The following UBE2Z variants were observed in gnomAD, a reference collection of about 807,000 sequenced individuals.
UBE2Z encodes ubiquitin-conjugating enzyme E2 Z.
A neutral mutation model predicts 32.6 loss-of-function variants in UBE2Z; 10 were observed. That is an observed-to-expected ratio of 0.31 (90% CI 0.19 to 0.52). UBE2Z has a LOEUF of 0.52. Among genes scored for constraint, UBE2Z ranks in the 20% least tolerant of loss-of-function variants. UBE2Z has a pLI of 0.97. For missense variants in UBE2Z, 343 were observed against 480.9 expected (o/e 0.71, Z 2.68); for synonymous variants, 183 against 190.8 (o/e 0.96, Z 0.34).
intron 4 of UBE2Z, among the ~76,000 whole-genome samples, chr17:48,918,119 G>A (rs1598074460): frequency 6.6e-6 from 1 of 151,562 alleles, no homozygotes; most frequent in Non-Finnish European, 1.5e-5. Context: ...TGTATTTTTA[G>A]TAGAGAAGGG....
chr17:48,926,629 G>A (rs1486563653), intron 6 of UBE2Z, among the ~76,000 whole-genome samples: 3 of 152,008 alleles, frequency 2.0e-5, no homozygotes, highest in Admixed American at 2.0e-4. Flanking sequence ...TTACAGGCAT[G>A]CGCCACGACA....
chr17:48,927,405 G>A lies in UBE2Z; in HGVS notation c.*271G>A. The A allele has an allele frequency of 2.6e-6, 1 of 384,010 alleles. No individual in the cohort carries two copies. Among genetic ancestry groups the A allele is most frequent in the Non-Finnish European group, 4.9e-6 (1 of 205,824 alleles). The allele number at this position is 384,010 out of a possible 1,614,324, so 23.8% of individuals were successfully genotyped here. ...CTTTACAGGAGCACCTAGAGCGAGGGCCTTTGGCAAAAACAAAACAACCAA... is the reference window on the plus strand; with the variant it reads ...CTTTACAGGAGCACCTAGAGCGAGGACCTTTGGCAAAAACAAAACAACCAA... On this transcript the variant is annotated 3_prime_UTR_variant, in exon 7 of 7. Coordinates refer to ENST00000360943, the MANE Select transcript of UBE2Z (RefSeq NM_023079.5).
intron 6 of UBE2Z, among the ~76,000 whole-genome samples, chr17:48,925,106 A>G (rs2040788840): frequency 6.6e-6 from 1 of 151,952 alleles, no homozygotes; most frequent in Non-Finnish European, 1.5e-5. Flanking sequence ...AACACAGTGA[A>G]ATCCTGCCTC....
chr17:48,924,046 G>A (rs575423174), intron 6 of UBE2Z, among the ~76,000 whole-genome samples: 11 of 152,134 alleles, frequency 7.2e-5, no homozygotes, highest in Non-Finnish European at 1.5e-4. Flanking sequence ...TAGTAGAGAC[G>A]GGGTTTCACC....
chr17:48,919,668 G>A (rs2040745504), intron 4 of UBE2Z, among the ~76,000 whole-genome samples: 1 of 152,102 alleles, frequency 6.6e-6, no homozygotes, highest in African/African-American at 2.4e-5. Context: ...TATAGAGACG[G>A]GATCTCACCA....
chr17:48,923,551 G>A (rs943591718), intron 6 of UBE2Z, among the ~76,000 whole-genome samples: 7 of 151,908 alleles, frequency 4.6e-5, no homozygotes, highest in African/African-American at 1.5e-4. Context: ...AGAATCGCTT[G>A]AACCTGGGAG....
At chr17:48,916,554 A>G (rs1394837422) in intron 4 of UBE2Z, among the ~76,000 whole-genome samples, 3 of 150,118 alleles carry the variant, frequency 2.0e-5, no homozygotes, top group African/African-American at 7.3e-5. Context: ...CCCAGCCAGA[A>G]TAGTGTTTTA....
Position 48,929,010 on chromosome 17 carries a change from T to G in UBE2Z, c.*1876T>G, listed in dbSNP as rs952439833. ...ACTGTATATAAATGAAGTTTTTTTG[T>G]TTTTTTTGTTTTCCTTTTTGGTGCA... On this transcript the variant is annotated 3_prime_UTR_variant, in exon 7 of 7. Transcript: ENST00000360943. 3 of 114,774 alleles carry G rather than the reference T, an allele frequency of 2.6e-5. No homozygotes were observed. The highest frequency in any genetic ancestry group is 9.9e-5 in the African/African-American group (3 of 30,236). 7.1% of individuals were successfully genotyped at this position (114,774 alleles called of 1,614,324 possible).
At chr17:48,913,866 G>A (rs1346909229) in intron 3 of UBE2Z, among the ~76,000 whole-genome samples, 1 of 151,950 alleles carries the variant, frequency 6.6e-6, no homozygotes, top group Admixed American at 6.6e-5. Flanking sequence ...TGATCATTAT[G>A]GTTTCATTTT....
In UBE2Z at chr17:48,910,743, TC is replaced by T; in HGVS notation, c.318-64del. 5.6e-6 allele frequency: 7 copies of T among 1,258,724 alleles called. No individual in the cohort carries two copies. The South Asian group carries it at 8.4e-5, about 15-fold the overall frequency. The allele number at this position is 1,258,724 out of a possible 1,614,324, so 78.0% of individuals were successfully genotyped here. On this transcript the variant is annotated intron_variant, in intron 1 of 6. Coordinates refer to ENST00000360943, the MANE Select transcript of UBE2Z (RefSeq NM_023079.5). ...ATTGAGGTGATAACAACTGTCCTGC[TC>T]AAGGGATTCCCCCTTTCCCCCTCTT...
chr17:48,922,597 C>T (rs1049273947), intron 5 of UBE2Z, among the ~76,000 whole-genome samples: 19 of 151,234 alleles, frequency 1.3e-4, no homozygotes, highest in Admixed American at 4.6e-4. Flanking sequence ...GGTGAAACCC[C>T]GTCTCTACTA....
At chr17:48,925,849 A>G (rs893184001) in intron 6 of UBE2Z, among the ~76,000 whole-genome samples, 4 of 152,212 alleles carry the variant, frequency 2.6e-5, no homozygotes, top group Admixed American at 1.3e-4. Flanking sequence ...ATCCACTGCC[A>G]TCCCACTCAG....
chr17:48,927,168 AG>A lies in UBE2Z; in HGVS notation c.*35del. The A allele has an allele frequency of 6.2e-7, 1 of 1,607,640 alleles. No homozygotes were observed. Among genetic ancestry groups the A allele is most frequent in the Non-Finnish European group, 8.5e-7 (1 of 1,176,056 alleles). ...CCCATCTCCCCTTCCCCCACTCAAG[AG>A]TCCCAGCAGAATCCCTTCCCCCCAC... On this transcript the variant is annotated 3_prime_UTR_variant, in exon 7 of 7. Coordinates refer to ENST00000360943, the MANE Select transcript of UBE2Z (RefSeq NM_023079.5).
At chr17:48,918,454 C>T (rs761273931) in intron 4 of UBE2Z, among the ~76,000 whole-genome samples, 9 of 151,730 alleles carry the variant, frequency 5.9e-5, no homozygotes, top group Middle Eastern at 3.2e-3. Flanking sequence ...CTGCCTCAGC[C>T]TCCTGAGTAG....
chr17:48,925,872 G>A (rs886283170), intron 6 of UBE2Z, among the ~76,000 whole-genome samples: 2 of 152,232 alleles, frequency 1.3e-5, no homozygotes, highest in Admixed American at 1.3e-4. Flanking sequence ...TGAGGGTAAT[G>A]TGTGGGCAGA....
At chr17:48,913,979 G>A (rs1209678259) in intron 3 of UBE2Z, among the ~76,000 whole-genome samples, 8 of 151,958 alleles carry the variant, frequency 5.3e-5, no homozygotes, top group African/African-American at 7.3e-5. Context: ...TCAAGCAGTC[G>A]TCCTCTTGTG....
intron 4 of UBE2Z, 62 bp downstream of exon 4, chr17:48,916,249 G>GGTTTGTTT (rs2040718437): frequency 1.5e-6 from 1 of 659,936 alleles, no homozygotes; most frequent in Non-Finnish European, 2.2e-6. Flanking sequence ...TTGGTTGGTT[G>GGTTTGTTT]GTTTTTTTGT....
At chr17:48,925,321 T>A (rs1032834394) in intron 6 of UBE2Z, among the ~76,000 whole-genome samples, 4 of 150,906 alleles carry the variant, frequency 2.7e-5, no homozygotes, top group Non-Finnish European at 4.4e-5. Flanking sequence ...AATGGGAGAC[T>A]TGGATAATTG....
chr17:48,920,533 C>G (rs1015622730), intron 4 of UBE2Z, among the ~76,000 whole-genome samples: 7 of 151,698 alleles, frequency 4.6e-5, no homozygotes. Flanking sequence ...CGGGGCCCAC[C>G]ATGGTGACGA....
Sources: gnomAD v4.1 joint callset for allele counts (sites outside exome capture counted in the v4.1 genomes callset) on GRCh38, gnomAD v4.1.1 for gene constraint, MANE v1.5 for transcripts, NCBI Gene and HGNC (gene_info 2026-07-23, HGNC 2026-07-21) for gene names.